DOCK8: variants seen among roughly 807,000 people sequenced by gnomAD.
The protein encoded by DOCK8 is dedicator of cytokinesis protein 8.
A neutral mutation model predicts 245.6 loss-of-function variants in DOCK8; 141 were observed. The observed-to-expected ratio is 0.57, with a 90% CI of 0.50 to 0.66. The LOEUF (loss-of-function observed/expected upper bound fraction) is 0.66, where lower values mean the gene tolerates loss of function less well. Ranked by LOEUF, DOCK8 falls within the 30% of genes least tolerant of loss-of-function variation. The probability of loss-of-function intolerance (pLI) is 0.00; values close to 1 mark genes in which losing one functional copy is unlikely to be tolerated. For missense variants in DOCK8, 2,965 were observed against 2,603.4 expected (o/e 1.14, Z -3.02); for synonymous variants, 1,168 against 970.2 (o/e 1.20, Z -3.79).
At chr9:402,694 A>G (rs1035482268) in intron 26 of DOCK8, among the ~76,000 whole-genome samples, 6 of 152,224 alleles carry the variant, frequency 3.9e-5, no homozygotes, top group African/African-American at 1.4e-4. Context: ...CAATGGATAT[A>G]ACCTTAGTCT....
chr9:229,200 C>A (rs1177019863), intron 1 of DOCK8, among the ~76,000 whole-genome samples: 3 of 152,060 alleles, frequency 2.0e-5, no homozygotes, highest in Non-Finnish European at 4.4e-5. Flanking sequence ...CCACAGCACC[C>A]AACCAAAAAA....
At chr9:276,303 G>A (rs974779527) in intron 2 of DOCK8, among the ~76,000 whole-genome samples, 1 of 152,222 alleles carries the variant, frequency 6.6e-6, no homozygotes. Flanking sequence ...AGTAAGCAAA[G>A]ACCACTTACT....
intron 2 of DOCK8, among the ~76,000 whole-genome samples, chr9:277,798 C>G (rs2048419594): frequency 6.6e-6 from 1 of 152,086 alleles, no homozygotes; most frequent in South Asian, 2.1e-4. Context: ...GTACCAAACA[C>G]CATGGTTACA....
At chr9:214,801 C>T (rs773012209), upstream of DOCK8, 5 of 1,583,884 alleles carry the variant, frequency 3.2e-6, no homozygotes, top group South Asian at 3.4e-5. Context: ...GCTCCGAGCT[C>T]GGACCCTCCC....
intron 1 of DOCK8, among the ~76,000 whole-genome samples, chr9:217,928 G>A (rs973749608): frequency 2.0e-5 from 3 of 152,154 alleles, no homozygotes; most frequent in African/African-American, 7.2e-5. Context: ...TAATTGGGCC[G>A]ATTGTTATTT....
chr9:249,193 G>A (rs911037314), intron 1 of DOCK8, among the ~76,000 whole-genome samples: 37 of 152,188 alleles, frequency 2.4e-4, no homozygotes, highest in Admixed American at 2.4e-3. Context: ...TCTAGAGATG[G>A]TCCTATGGCA....
chr9:293,861 T>A (rs2049146205), intron 4 of DOCK8, among the ~76,000 whole-genome samples: 1 of 152,232 alleles, frequency 6.6e-6, no homozygotes, highest in Non-Finnish European at 1.5e-5. Context: ...ATGTGCCAAA[T>A]CATGTATGAT....
At chr9:396,748 A>G (rs2054475650) in intron 24 of DOCK8, 37 bp from the exon 25 acceptor site, 1 of 1,613,792 alleles carries the variant, frequency 6.2e-7, no homozygotes, top group Non-Finnish European at 8.5e-7. Flanking sequence ...CAGGTCACCA[A>G]TCTCCATGTT....
intron 2 of DOCK8, among the ~76,000 whole-genome samples, chr9:279,163 C>A (rs1699098821): frequency 6.6e-6 from 1 of 152,076 alleles, no homozygotes; most frequent in Non-Finnish European, 1.5e-5. Flanking sequence ...TCCACCTGGG[C>A]AATTGGTGGA....
chr9:317,614 A>G (rs911266816), intron 7 of DOCK8, among the ~76,000 whole-genome samples: 21 of 152,366 alleles, frequency 1.4e-4, no homozygotes, highest in African/African-American at 5.0e-4. Context: ...AACATTTACC[A>G]GTATGCCACT....
At chr9:453,461 C>T (rs1439828459) in intron 46 of DOCK8, among the ~76,000 whole-genome samples, 1 of 152,190 alleles carries the variant, frequency 6.6e-6, no homozygotes, top group East Asian at 1.9e-4. Context: ...AGGTCTCACT[C>T]TGTTGCCCAG....
chr9:308,739 C>A (rs2049963242), intron 5 of DOCK8, among the ~76,000 whole-genome samples: 1 of 152,144 alleles, frequency 6.6e-6, no homozygotes, highest in Admixed American at 6.5e-5. Flanking sequence ...CTCACTGCAA[C>A]CCCTGCCTCC....
intron 15 of DOCK8, chr9:368,431 G>C (rs1489281660): frequency 1.6e-6 from 1 of 621,012 alleles, no homozygotes; most frequent in Non-Finnish European, 2.9e-6. Context: ...CACTCTAAAG[G>C]CATACAAAGT....
At chr9:328,202 T>G (rs746597199) in intron 9 of DOCK8, 31 bp downstream of exon 9, 3 of 1,600,528 alleles carry the variant, frequency 1.9e-6, no homozygotes, top group South Asian at 2.2e-5. Context: ...TTGCCCAATC[T>G]GATGTTTTCA....
At chr9:274,668 A>AG (rs36068115) in intron 2 of DOCK8, among the ~76,000 whole-genome samples, 55,621 of 151,594 alleles carry the variant, frequency 0.37, 10,192 homozygotes, top group South Asian at 0.45. Context: ...ACCTTTAAAA[A>AG]AAAATTTCTT....
chr9:363,987 A>G (rs1019616828), intron 14 of DOCK8, among the ~76,000 whole-genome samples: 6 of 152,208 alleles, frequency 3.9e-5, no homozygotes, highest in African/African-American at 1.4e-4. Context: ...CTGGCTCATT[A>G]TTCCTTCAAA....
Position 414,973 on chromosome 9 carries a change from TTC to T in DOCK8, c.3700+24_3700+25del, listed in dbSNP as rs2055922742. 7.4e-6 allele frequency: 12 copies of T among 1,612,384 alleles called. No individual in the cohort carries two copies. The East Asian group carries it at 2.7e-4, about 36-fold the overall frequency. ...ACAGGTAATGGCCCTTCTGTTTTCTTTCTTGGATTGTTGGGGGCCCCTGCCAA... is the reference window on the plus strand; with the variant it reads ...ACAGGTAATGGCCCTTCTGTTTTCTTTTGGATTGTTGGGGGCCCCTGCCAA... On this transcript the variant is annotated intron_variant, in intron 29 of 47. Transcript: ENST00000432829.
intron 45 of DOCK8, among the ~76,000 whole-genome samples, chr9:450,726 G>A (rs1051281103): frequency 9.3e-5 from 14 of 149,914 alleles, no homozygotes; most frequent in African/African-American, 3.4e-4. Context: ...CCAAGATCAG[G>A]AAAAAAAAAT....
At chr9:249,119 T>G (rs1222516753) in intron 1 of DOCK8, among the ~76,000 whole-genome samples, 3 of 152,222 alleles carry the variant, frequency 2.0e-5, no homozygotes, top group Non-Finnish European at 2.9e-5. Context: ...TGCATATAGA[T>G]GAAAGATTGC....
Sources: allele counts gnomAD v4.1 joint callset (sites outside exome capture counted in the v4.1 genomes callset), GRCh38; gene constraint gnomAD v4.1.1; transcripts MANE v1.5; gene names NCBI Gene and HGNC (gene_info 2026-07-23, HGNC 2026-07-21).